Variants in RAB6B observed in about 807,000 individuals in gnomAD.
RAB6B encodes the protein ras-related protein Rab-6B.
Under a neutral mutation model 31.2 loss-of-function variants are expected in RAB6B, and 7 were observed. That is an observed-to-expected ratio of 0.22 (90% confidence interval 0.13 to 0.42). RAB6B has a LOEUF of 0.42. Ranked by LOEUF, RAB6B falls within the 10% of genes least tolerant of loss-of-function variation. The probability of loss-of-function intolerance (pLI) is 1.00; values close to 1 mark genes in which losing one functional copy is unlikely to be tolerated. For synonymous variants in RAB6B, 105 were observed against 104.9 expected, an observed-to-expected ratio of 1.00 and a Z score of -0.01; for missense variants, 149 against 280.6, an observed-to-expected ratio of 0.53 and a Z score of 3.35.
chr3:133,849,662 T>C (rs1033351301), intron 2 of RAB6B, among the ~76,000 whole-genome samples: 3 of 152,198 alleles, frequency 2.0e-5, no homozygotes, highest in Admixed American at 2.0e-4. Flanking sequence ...TTGTACTCCC[T>C]CTCCTTCCTG....
At position 133,824,624 on chromosome 3, in the gene RAB6B, A is replaced by C. The variant is rs1935527734; in HGVS notation, c.*4164T>G. The C allele has an allele frequency of 6.6e-6, 1 of 152,220 alleles. No individual in the cohort carries two copies. Among genetic ancestry groups the C allele is most frequent in the South Asian group, 2.1e-4 (1 of 4,826 alleles). The allele number at this position is 152,220 out of a possible 1,614,324, so 9.4% of individuals were successfully genotyped here. A position where few individuals can be genotyped will look rare whatever the true frequency, so the allele number is the denominator to read the frequency against. On this transcript the variant is annotated 3_prime_UTR_variant, in exon 8 of 8. Coordinates refer to ENST00000285208, the MANE Select transcript of RAB6B (RefSeq NM_016577.4). Reference sequence around the variant, plus strand: ...AGGTTTTGGAACACCTAAATAGTTCATGTCAAACAAAAATTCAAAGGGTGT... The same window carrying C: ...AGGTTTTGGAACACCTAAATAGTTCCTGTCAAACAAAAATTCAAAGGGTGT...
At chr3:133,874,132 A>C (rs1354542848) in intron 1 of RAB6B, among the ~76,000 whole-genome samples, 1 of 152,186 alleles carries the variant, frequency 6.6e-6, no homozygotes, top group Non-Finnish European at 1.5e-5. Context: ...ACTGGTGTGA[A>C]TTTTACTGAA....
intron 1 of RAB6B, among the ~76,000 whole-genome samples, chr3:133,893,713 G>A (rs1936668029): frequency 1.3e-5 from 2 of 152,156 alleles, no homozygotes; most frequent in South Asian, 4.1e-4. Context: ...GTGAGTCACA[G>A]AGAGGCCTCA....
chr3:133,831,857 G>C (rs1378137805), intron 7 of RAB6B, among the ~76,000 whole-genome samples: 1 of 152,182 alleles, frequency 6.6e-6, no homozygotes, highest in African/African-American at 2.4e-5. Flanking sequence ...CAGACAGCCT[G>C]TTACAAACTT....
At chr3:133,890,240 C>T (rs1459176670) in intron 1 of RAB6B, among the ~76,000 whole-genome samples, 1 of 152,080 alleles carries the variant, frequency 6.6e-6, no homozygotes, top group African/African-American at 2.4e-5. Context: ...TCTTCAGAGA[C>T]TAGGAATGAG....
chr3:133,830,966 T>G (rs1935648061), intron 7 of RAB6B, among the ~76,000 whole-genome samples: 1 of 152,156 alleles, frequency 6.6e-6, no homozygotes, highest in Non-Finnish European at 1.5e-5. Context: ...CATTGCCAAA[T>G]GTCCCCTGTG....
At chr3:133,864,707 T>G in intron 1 of RAB6B, 65 bp from the exon 2 acceptor site, 1 of 1,441,234 alleles carries the variant, frequency 6.9e-7, no homozygotes, top group Non-Finnish European at 9.8e-7. Flanking sequence ...CTAAACACAC[T>G]GCATTTGAAG....
rs140129632 is a variant in RAB6B, at chr3:133,845,809, C to A, written c.130-4146G>T. Among the ~76,000 whole-genome samples, 210 of 151,866 alleles carry A rather than the reference C, an allele frequency of 1.4e-3. 1 individual carries two copies. The Middle Eastern group carries it at 0.02, about 15-fold the overall frequency. Reference sequence around the variant, plus strand: ...AATCAAGGGAAAAAACTCAACAGACCCCTACATGATCCAAATGTTGAATTA... The same window carrying A: ...AATCAAGGGAAAAAACTCAACAGACACCTACATGATCCAAATGTTGAATTA... On this transcript the variant is annotated intron_variant, in intron 2 of 7. Transcript: ENST00000285208.
chr3:133,884,667 A>G (rs1361403450), intron 1 of RAB6B, among the ~76,000 whole-genome samples: 1 of 152,164 alleles, frequency 6.6e-6, no homozygotes, highest in East Asian at 1.9e-4. Flanking sequence ...GGCCTCATAT[A>G]ACTAATGACC....
At chr3:133,834,498 G>T in intron 7 of RAB6B, 77 bp downstream of exon 7, 1 of 1,460,876 alleles carries the variant, frequency 6.8e-7, no homozygotes, top group Non-Finnish European at 9.6e-7. Context: ...GCGAGTGTCT[G>T]TCCACTGCAC....
intron 7 of RAB6B, among the ~76,000 whole-genome samples, chr3:133,833,284 TCA>T (rs1212224337): frequency 6.6e-6 from 1 of 152,178 alleles, no homozygotes; most frequent in African/African-American, 2.4e-5. Context: ...TTTCTGAGCC[TCA>T]GTTTCCTTAT....
rs58229770 is a variant in RAB6B, at chr3:133,839,987, TAC to T, written c.290-372_290-371del. 2.8e-3 allele frequency among the ~76,000 whole-genome samples: 422 copies of T among 149,662 alleles called. 2 individuals are homozygous for T. The highest frequency in any genetic ancestry group is 8.5e-3 in the African/African-American group (349 of 40,882). ...GAACTGGGTCACACGTGTGTGTGCA[TAC>T]ACACACACACACACACATGCGCGCG... On this transcript the variant is annotated intron_variant, in intron 4 of 7. Transcript: ENST00000285208.
intron 4 of RAB6B, 49 bp from the exon 5 acceptor site, chr3:133,839,666 T>TGGGAGATGGGAAG (rs767571934): frequency 7.3e-5 from 101 of 1,384,300 alleles, no homozygotes; most frequent in Non-Finnish European, 9.9e-5. Context: ...CAGCCACCAG[T>TGGGAGATGGGAAG]GGGAGATGGG....
intron 1 of RAB6B, 82 bp downstream of exon 1, chr3:133,895,315 G>A (rs1385905513): frequency 6.8e-7 from 1 of 1,473,840 alleles, no homozygotes; most frequent in South Asian, 1.2e-5. Context: ...TCCGAGCCTG[G>A]GCCGGGGGTC....
chr3:133,861,751 T>C (rs889807362), intron 2 of RAB6B, among the ~76,000 whole-genome samples: 4 of 151,932 alleles, frequency 2.6e-5, no homozygotes, highest in African/African-American at 7.3e-5. Flanking sequence ...AGACAGAAAG[T>C]GTGGGATGGA....
intron 1 of RAB6B, among the ~76,000 whole-genome samples, chr3:133,871,435 T>G (rs1290779689): frequency 1.3e-5 from 2 of 152,216 alleles, no homozygotes; most frequent in Non-Finnish European, 2.9e-5. Flanking sequence ...ACGACAGTCA[T>G]GTGAGGCTGA....
intron 1 of RAB6B, among the ~76,000 whole-genome samples, chr3:133,866,024 T>C (rs974667818): frequency 6.6e-6 from 1 of 152,196 alleles, no homozygotes; most frequent in South Asian, 2.1e-4. Context: ...CTTGAGGTTA[T>C]CACCATCCCA....
chr3:133,891,363 G>A (rs892175353), intron 1 of RAB6B, among the ~76,000 whole-genome samples: 7 of 152,194 alleles, frequency 4.6e-5, no homozygotes, highest in Admixed American at 4.6e-4. Context: ...CTCTGGGTAG[G>A]GTGGGCTTGT....
chr3:133,848,643 A>AGAGAAAAAG (rs1267323510), intron 2 of RAB6B, among the ~76,000 whole-genome samples: 5 of 152,160 alleles, frequency 3.3e-5, no homozygotes, highest in Non-Finnish European at 5.9e-5. Context: ...CACACAACAG[A>AGAGAAAAAG]GAGAAAAAGG....
Sources: allele counts gnomAD v4.1 joint callset (sites outside exome capture counted in the v4.1 genomes callset), GRCh38; gene constraint gnomAD v4.1.1; transcripts MANE v1.5; gene names NCBI Gene and HGNC (gene_info 2026-07-23, HGNC 2026-07-21).